TTLL5: variants seen among roughly 807,000 people sequenced by gnomAD.
TTLL5 encodes the protein tubulin polyglutamylase TTLL5.
A neutral mutation model predicts 168.4 loss-of-function variants in TTLL5; 132 were observed. That is an observed-to-expected ratio of 0.78 (90% CI 0.68 to 0.91). TTLL5 has a LOEUF of 0.91. Ranked by LOEUF, TTLL5 falls within the 40% of genes least tolerant of loss-of-function variation. The pLI is 0.00. For missense variants in TTLL5, 1,545 were observed against 1,581.5 expected (o/e 0.98, Z 0.39); for synonymous variants, 546 against 558.6 (o/e 0.98, Z 0.32).
intron 15 of TTLL5, among the ~76,000 whole-genome samples, chr14:75,741,334 C>A (rs1889252440): frequency 6.6e-6 from 1 of 152,126 alleles, no homozygotes. Context: ...CAATGGTTCT[C>A]CTCTCTAAGT....
intron 29 of TTLL5, among the ~76,000 whole-genome samples, chr14:75,871,797 A>G (rs1056172640): frequency 1.3e-5 from 2 of 152,216 alleles, no homozygotes; most frequent in Non-Finnish European, 1.5e-5. Context: ...CTTAATGAAT[A>G]TGTGACAGTA....
intron 31 of TTLL5, among the ~76,000 whole-genome samples, chr14:75,914,921 C>G (rs1159609633): frequency 6.6e-6 from 1 of 152,186 alleles, no homozygotes; most frequent in Non-Finnish European, 1.5e-5. Flanking sequence ...CTGTGCCCGG[C>G]CGATCGCTAC....
At chr14:75,888,029 C>T (rs1205807843) in intron 30 of TTLL5, among the ~76,000 whole-genome samples, 1 of 152,184 alleles carries the variant, frequency 6.6e-6, no homozygotes, top group Non-Finnish European at 1.5e-5. Context: ...ACCTGGAATA[C>T]TGCAGACAAT....
At chr14:75,802,404 T>C (rs1161787118) in intron 27 of TTLL5, among the ~76,000 whole-genome samples, 6 of 152,248 alleles carry the variant, frequency 3.9e-5, no homozygotes, top group Admixed American at 1.3e-4. Flanking sequence ...TTAAGAGATA[T>C]TCTACTAAGC....
chr14:75,664,843 C>A (rs1446012307), intron 2 of TTLL5, among the ~76,000 whole-genome samples: 4 of 152,144 alleles, frequency 2.6e-5, no homozygotes, highest in Non-Finnish European at 5.9e-5. Flanking sequence ...AAAGGTTGTT[C>A]TTTTACTCCA....
intron 7 of TTLL5, among the ~76,000 whole-genome samples, chr14:75,703,297 A>G (rs192510570): frequency 3.5e-4 from 53 of 152,312 alleles, no homozygotes; most frequent in African/African-American, 1.2e-3. Context: ...AAACTTCCCT[A>G]TAGTAGTCAT....
Position 75,720,598 on chromosome 14 carries a change from T to C in TTLL5, c.937T>C (p.Leu313=). 1 of 1,612,850 alleles carries C rather than the reference T, an allele frequency of 6.2e-7. No individual in the cohort carries two copies. Among genetic ancestry groups the C allele is most frequent in the East Asian group, 2.2e-5 (1 of 44,852 alleles). ...LKQEGRDTTA[L]MAHVEDLIIK... ...AATTTAAAAATTTTTGTTTGCAGCA[T>C]TGATGGCCCATGTAGAAGACCTGAT... The change falls in exon 12 of 32, where the codon TTG becomes CTG. Residue 313 remains leucine (L), a splice_region_variant and synonymous_variant. Transcript: ENST00000298832.
chr14:75,951,551 G>A (rs1330578434), intron 31 of TTLL5, among the ~76,000 whole-genome samples: 2 of 152,066 alleles, frequency 1.3e-5, no homozygotes, highest in Non-Finnish European at 2.9e-5. Context: ...CTTGAGCCCA[G>A]GAGTTCGAGA....
At chr14:75,953,975 G>A (rs985410755) in intron 31 of TTLL5, among the ~76,000 whole-genome samples, 2 of 152,102 alleles carry the variant, frequency 1.3e-5, no homozygotes, top group African/African-American at 4.8e-5. Context: ...GTGGCCAGGC[G>A]CAGTGGCTCA....
chr14:75,792,591 T>C (rs1318400146), intron 26 of TTLL5, among the ~76,000 whole-genome samples: 1 of 152,050 alleles, frequency 6.6e-6, no homozygotes, highest in Non-Finnish European at 1.5e-5. Flanking sequence ...GTTTCAAATA[T>C]GTATTTTTTA....
chr14:75,828,348 A>G (rs1156686487), intron 28 of TTLL5, among the ~76,000 whole-genome samples: 1 of 152,128 alleles, frequency 6.6e-6, no homozygotes, highest in Admixed American at 6.5e-5. Context: ...TAACCTGAGG[A>G]TGACGAGAAT....
rs1891666916 is a variant in TTLL5, at chr14:75,775,512, CA to C, written c.2166del (p.Ser723GlnfsTer8). 1 of 1,613,780 alleles carries C rather than the reference CA, an allele frequency of 6.2e-7. No homozygotes were observed. Among genetic ancestry groups the C allele is most frequent in the Non-Finnish European group, 8.5e-7 (1 of 1,179,944 alleles). On this transcript the variant is annotated frameshift_variant, in exon 22 of 32. Coordinates refer to ENST00000298832, the MANE Select transcript of TTLL5 (RefSeq NM_015072.5). LOFTEE classifies it high-confidence loss of function. ...CTGGTTGTTCGTTTCCTCAAGCGAG[CA>C]TCAAATAACCTCCAGCATTCACTGA... ...MELVVRFLKR[A>X]SNNLQHSLRM...
intron 28 of TTLL5, among the ~76,000 whole-genome samples, chr14:75,822,201 T>G (rs1371461373): frequency 6.6e-6 from 1 of 152,226 alleles, no homozygotes; most frequent in Non-Finnish European, 1.5e-5. Context: ...TTGTGGATAT[T>G]TAGTCTCTTG....
At chr14:75,709,714 A>G (rs1194945919) in intron 9 of TTLL5, 1 of 154,090 alleles carries the variant, frequency 6.5e-6, no homozygotes, top group African/African-American at 2.4e-5. Flanking sequence ...ATTCCTGGCC[A>G]GGCGTGGTGG....
intron 28 of TTLL5, among the ~76,000 whole-genome samples, chr14:75,839,653 G>A (rs143997474): frequency 2.6e-5 from 4 of 152,236 alleles, no homozygotes; most frequent in Non-Finnish European, 4.4e-5. Context: ...GGGGGAAACC[G>A]TGCCCATTAT....
intron 9 of TTLL5, among the ~76,000 whole-genome samples, chr14:75,715,264 CTTTTTTTTTTTTT>C (rs1201985101): frequency 7.6e-6 from 1 of 130,950 alleles, no homozygotes; most frequent in Non-Finnish European, 1.6e-5. Flanking sequence ...CACCATCTTC[CTTTTTTTTTTTTT>C]TTTTTTTTTG....
intron 26 of TTLL5, among the ~76,000 whole-genome samples, chr14:75,790,868 A>C (rs1892660402): frequency 1.3e-5 from 2 of 150,114 alleles, no homozygotes. Context: ...AGGCCAAGGC[A>C]GACGGATCAC....
chr14:75,764,823 C>G, intron 19 of TTLL5, 51 bp downstream of exon 19: 1 of 1,599,650 alleles, frequency 6.3e-7, no homozygotes, highest in Middle Eastern at 1.8e-4. Flanking sequence ...TCCTGCCAGA[C>G]TGAGTTAACC....
chr14:75,869,821 A>ATTTTTTTTTTTTTTTTT lies in TTLL5; in HGVS notation c.3522+5975_3522+5976insTTTTTTTTTTTTTTTTT, dbSNP rs10658095. Among the ~76,000 whole-genome samples the ATTTTTTTTTTTTTTTTT allele has an allele frequency of 5.0e-3, 408 of 82,408 alleles. 82 individuals are homozygous for ATTTTTTTTTTTTTTTTT. The highest frequency in any genetic ancestry group is 7.1e-3 in the African/African-American group (142 of 20,018). 54.1% of individuals were successfully genotyped at this position (82,408 alleles called of 152,430 possible). A position where few individuals can be genotyped will look rare whatever the true frequency, so the allele number is the denominator to read the frequency against. On this transcript the variant is annotated intron_variant, in intron 29 of 31. Transcript: ENST00000298832. ...CTTGCAATGTATACATTCAACAAGTATTTTTTTTTTTTTTTTGCGATGGAG... is the reference window on the plus strand; with the variant it reads ...CTTGCAATGTATACATTCAACAAGTATTTTTTTTTTTTTTTTTTTTTTTTTTTTTTTTTGCGATGGAG...
Sources: gnomAD v4.1 joint callset for allele counts (sites outside exome capture counted in the v4.1 genomes callset) on GRCh38, gnomAD v4.1.1 for gene constraint, MANE v1.5 for transcripts, NCBI Gene and HGNC (gene_info 2026-07-23, HGNC 2026-07-21) for gene names.